ENOX2: variants seen among roughly 807,000 people sequenced by gnomAD.
The protein encoded by ENOX2 is ecto-NOX disulfide-thiol exchanger 2.
In ENOX2, 36 loss-of-function variants were observed where a neutral mutation model predicts 45.0. The ratio of observed to expected loss-of-function variants is 0.80; its 90% CI spans 0.61 to 1.06. ENOX2 has a LOEUF of 1.06. Among genes scored for constraint, ENOX2 ranks in the 50% least tolerant of loss-of-function variants. ENOX2 has a pLI of 0.00. For missense variants in ENOX2, 423 were observed against 462.5 expected (o/e 0.91, Z 0.78); for synonymous variants, 174 against 152.3 (o/e 1.14, Z -1.05).
At chrX:130,734,236 A>G (rs1239003230) in intron 3 of ENOX2, among the ~76,000 whole-genome samples, 3 of 111,875 alleles carry the variant, frequency 2.7e-5, no homozygotes, top group African/African-American at 9.7e-5. Flanking sequence ...GTGTGTCACA[A>G]TTAATGAAGG....
intron 12 of ENOX2, among the ~76,000 whole-genome samples, chrX:130,633,062 T>G (rs1360499016): frequency 8.9e-6 from 1 of 112,025 alleles, no homozygotes; most frequent in Non-Finnish European, 1.9e-5. Flanking sequence ...GACTTCAATT[T>G]TATTATAGCT....
chrX:130,891,062 C>T (rs73229078), intron 2 of ENOX2, among the ~76,000 whole-genome samples: 1,436 of 111,578 alleles, frequency 0.013, 5 homozygotes, highest in Non-Finnish European at 0.023. Context: ...TATACTTGGC[C>T]GGGCATGGTG....
At chrX:130,645,277 G>A (rs2036197864) in intron 10 of ENOX2, among the ~76,000 whole-genome samples, 1 of 111,712 alleles carries the variant, frequency 9.0e-6, no homozygotes, top group Non-Finnish European at 1.9e-5. Flanking sequence ...GCAAAAAATT[G>A]TGTAAGGGTA....
chrX:130,726,757 T>A (rs1360284247), intron 3 of ENOX2, among the ~76,000 whole-genome samples: 1 of 112,458 alleles, frequency 8.9e-6, no homozygotes, highest in African/African-American at 3.2e-5. Context: ...GATTTAGAGG[T>A]CTGTGAGTTG....
At chrX:130,707,365 T>C (rs1012273786) in intron 3 of ENOX2, among the ~76,000 whole-genome samples, 18 of 111,756 alleles carry the variant, frequency 1.6e-4, no homozygotes, top group Non-Finnish European at 3.2e-4. Context: ...ACCAAAAGAA[T>C]ACAAGATTTG....
intron 4 of ENOX2, among the ~76,000 whole-genome samples, chrX:130,696,237 G>A (rs766457985): frequency 7.2e-5 from 8 of 111,658 alleles, no homozygotes; most frequent in South Asian, 3.8e-4. Context: ...GCAAAGTTTT[G>A]CAAAATCTCC....
rs748847026 is a variant in ENOX2, at chrX:130,703,253, G to A, written c.-37C>T. ...CCACGTTCAGAGTTCTACTGTTATC[G>A]GCTGAAAAGAAATGACAAGCAAAAT... On this transcript the variant is annotated splice_region_variant and 5_prime_UTR_variant, in exon 4 of 15. Transcript: ENST00000394363. 10 of 1,181,207 alleles carry A rather than the reference G, an allele frequency of 8.5e-6. No individual in the cohort carries two copies. Among genetic ancestry groups the A allele is most frequent in the Admixed American group, 2.4e-5 (1 of 41,777 alleles).
At chrX:130,700,917 AG>A (rs1451691245) in intron 4 of ENOX2, among the ~76,000 whole-genome samples, 1 of 111,456 alleles carries the variant, frequency 9.0e-6, no homozygotes, top group Non-Finnish European at 1.9e-5. Flanking sequence ...TTAAGCACTA[AG>A]CAAGATACTG....
rs1277265622 is a variant in ENOX2 at position 130,770,573 on chromosome X, A to G, written c.-39+12974T>C. On this transcript the variant is annotated intron_variant, in intron 3 of 14. Coordinates refer to ENST00000394363, the MANE Select transcript of ENOX2 (RefSeq NM_006375.4). ...ACCCTTACAAGTCCATAATTTAAAAAAAAAGAAAAATGGGCAAAGGATATC... is the reference window on the plus strand; with the variant it reads ...ACCCTTACAAGTCCATAATTTAAAAGAAAAGAAAAATGGGCAAAGGATATC... 2.7e-5 allele frequency among the ~76,000 whole-genome samples: 3 copies of G among 112,218 alleles called. 1 individual carries two copies. Among genetic ancestry groups the G allele is most frequent in the Admixed American group, 1.9e-4 (2 of 10,579 alleles).
intron 2 of ENOX2, among the ~76,000 whole-genome samples, chrX:130,848,774 C>T (rs779449410): frequency 1.8e-5 from 2 of 110,476 alleles, no homozygotes; most frequent in East Asian, 2.8e-4. Flanking sequence ...CCAGCCTGGG[C>T]GACAGAGTGA....
chrX:130,796,142 G>T (rs1166183607), intron 2 of ENOX2, among the ~76,000 whole-genome samples: 1 of 110,867 alleles, frequency 9.0e-6, no homozygotes, highest in Non-Finnish European at 1.9e-5. Context: ...ACAATGGAGA[G>T]ATGACAGTCG....
intron 10 of ENOX2, chrX:130,645,889 C>T: frequency 1.5e-6 from 1 of 673,832 alleles, no homozygotes; most frequent in Non-Finnish European, 2.5e-6. Context: ...CATGATCAGC[C>T]CATCCCGTGG....
intron 2 of ENOX2, among the ~76,000 whole-genome samples, chrX:130,868,466 T>C (rs771741049): frequency 7.2e-5 from 8 of 111,807 alleles, no homozygotes; most frequent in African/African-American, 2.3e-4. Context: ...TAGAATTAAA[T>C]TGTTTTGACC....
chrX:130,857,158 A>G (rs1394186743), intron 2 of ENOX2, among the ~76,000 whole-genome samples: 1 of 112,313 alleles, frequency 8.9e-6, no homozygotes, highest in East Asian at 2.8e-4. Context: ...AACGCTCAAC[A>G]ACATGGGTTA....
intron 3 of ENOX2, among the ~76,000 whole-genome samples, chrX:130,708,559 C>T (rs752883465): frequency 1.8e-5 from 2 of 112,270 alleles, no homozygotes; most frequent in African/African-American, 6.5e-5. Context: ...ACATTGCTAT[C>T]ATAGCCCTTA....
At chrX:130,820,158 A>G (rs1480498890) in intron 2 of ENOX2, among the ~76,000 whole-genome samples, 1 of 112,515 alleles carries the variant, frequency 8.9e-6, no homozygotes, top group East Asian at 2.8e-4. Flanking sequence ...AAGGACCTGA[A>G]TAGACATTTC....
intron 3 of ENOX2, among the ~76,000 whole-genome samples, chrX:130,704,522 A>G (rs1304683926): frequency 4.5e-5 from 5 of 110,652 alleles, no homozygotes; most frequent in African/African-American, 1.6e-4. Flanking sequence ...GCCATAGAAA[A>G]ATCTTTCTAT....
intron 6 of ENOX2, among the ~76,000 whole-genome samples, chrX:130,675,816 T>C (rs1191007163): frequency 8.9e-6 from 1 of 111,867 alleles, no homozygotes; most frequent in Non-Finnish European, 1.9e-5. Flanking sequence ...TTGTTGGTGA[T>C]GGTTTCATAC....
At chrX:130,800,145 G>A (rs1289443545) in intron 2 of ENOX2, among the ~76,000 whole-genome samples, 1 of 110,861 alleles carries the variant, frequency 9.0e-6, no homozygotes, top group East Asian at 2.8e-4. Flanking sequence ...CCAAAGCTAC[G>A]CTCACATGTG....
Sources: allele counts gnomAD v4.1 joint callset (sites outside exome capture counted in the v4.1 genomes callset), GRCh38; gene constraint gnomAD v4.1.1; transcripts MANE v1.5; gene names NCBI Gene and HGNC (gene_info 2026-07-23, HGNC 2026-07-21).